GRID2: variants seen among roughly 807,000 people sequenced by gnomAD.
GRID2 encodes glutamate ionotropic receptor delta type subunit 2, also known as glutamate receptor ionotropic, delta-2.
In GRID2, 33 loss-of-function variants were observed where a neutral mutation model predicts 114.8. The ratio of observed to expected loss-of-function variants is 0.29; its 90% CI spans 0.22 to 0.38. The LOEUF is 0.38. GRID2 is among the 10% of genes least tolerant of loss of function. The pLI, the probability that GRID2 is intolerant of heterozygous loss-of-function variation, is 1.00. For missense variants in GRID2, 1,184 were observed against 1,257.7 expected (o/e 0.94, Z 0.89); for synonymous variants, 505 against 449.9 (o/e 1.12, Z -1.55).
chr4:93,207,949 T>A (rs1743002975), intron 5 of GRID2, among the ~76,000 whole-genome samples: 1 of 152,014 alleles, frequency 6.6e-6, no homozygotes, highest in Admixed American at 6.6e-5. Context: ...CTTGTCAAAT[T>A]CTTGTGAAAG....
chr4:93,787,203 C>A (rs1235408271), intron 1 of GRID2, among the ~76,000 whole-genome samples: 1 of 152,002 alleles, frequency 6.6e-6, no homozygotes, highest in East Asian at 1.9e-4. Flanking sequence ...GTGCACATCA[C>A]TTCTGCACAC....
intron 8 of GRID2, among the ~76,000 whole-genome samples, chr4:93,240,189 C>T (rs186351340): frequency 6.6e-6 from 1 of 151,666 alleles, no homozygotes; most frequent in African/African-American, 2.4e-5. Context: ...GAAACCATAT[C>T]TTGAACTTTA....
At chr4:93,473,537 A>T (rs1412930510) in intron 11 of GRID2, among the ~76,000 whole-genome samples, 1 of 152,188 alleles carries the variant, frequency 6.6e-6, no homozygotes, top group Admixed American at 6.5e-5. Context: ...GACATAAAAC[A>T]TGACAACTCT....
intron 2 of GRID2, among the ~76,000 whole-genome samples, chr4:92,913,899 A>C (rs917509703): frequency 8.5e-5 from 13 of 152,058 alleles, no homozygotes; most frequent in African/African-American, 2.9e-4. Context: ...ATTCATTAGA[A>C]GTGGATAGTA....
At chr4:92,604,554 A>T (rs528093371) in intron 2 of GRID2, among the ~76,000 whole-genome samples, 21 of 152,172 alleles carry the variant, frequency 1.4e-4, no homozygotes, top group African/African-American at 4.6e-4. Context: ...GAGAGAAAGC[A>T]TCAGGATAAA....
intron 14 of GRID2, among the ~76,000 whole-genome samples, chr4:93,704,366 G>A (rs1174429662): frequency 6.6e-6 from 1 of 151,902 alleles, no homozygotes; most frequent in Non-Finnish European, 1.5e-5. Context: ...TTGTAAATTT[G>A]TTTGAGTTCA....
chr4:93,798,632 C>A (rs907779810), intron 1 of GRID2, among the ~76,000 whole-genome samples: 2 of 152,160 alleles, frequency 1.3e-5, no homozygotes, highest in African/African-American at 4.8e-5. Flanking sequence ...AAAAATCTGT[C>A]CTTTTAAATT....
At chr4:93,075,648 G>A (rs1729197896) in intron 2 of GRID2, among the ~76,000 whole-genome samples, 1 of 152,008 alleles carries the variant, frequency 6.6e-6, no homozygotes, top group Admixed American at 6.6e-5. Context: ...AAAATCTTAT[G>A]TATTTCCATA....
chr4:92,373,526 T>A (rs1729214809), intron 1 of GRID2, among the ~76,000 whole-genome samples: 1 of 152,206 alleles, frequency 6.6e-6, no homozygotes, highest in African/African-American at 2.4e-5. Context: ...TAATGGCAAA[T>A]ACTTCTAACT....
chr4:93,466,592 G>A (rs1007722821), intron 11 of GRID2, among the ~76,000 whole-genome samples: 2 of 152,126 alleles, frequency 1.3e-5, no homozygotes, highest in African/African-American at 4.8e-5. Flanking sequence ...TCATTACCAT[G>A]GAAAGGGGCA....
At chr4:93,763,791 A>G (rs1209449895) in intron 14 of GRID2, among the ~76,000 whole-genome samples, 2 of 152,196 alleles carry the variant, frequency 1.3e-5, no homozygotes, top group African/African-American at 2.4e-5. Context: ...CAGACGGGGA[A>G]GCAATAATGT....
At chr4:93,161,786 AT>A (rs1737707704) in intron 4 of GRID2, among the ~76,000 whole-genome samples, 1 of 151,666 alleles carries the variant, frequency 6.6e-6, no homozygotes, top group South Asian at 2.1e-4. Flanking sequence ...CCTTCCTGCA[AT>A]TTTTGCAGTG....
intron 14 of GRID2, among the ~76,000 whole-genome samples, chr4:93,721,405 A>G (rs1016563952): frequency 1.8e-4 from 27 of 152,194 alleles, no homozygotes; most frequent in African/African-American, 6.5e-4. Flanking sequence ...TGTGTGCAGG[A>G]AGAATTTTTA....
chr4:92,640,865 A>G (rs1359044897), intron 2 of GRID2, among the ~76,000 whole-genome samples: 1 of 151,910 alleles, frequency 6.6e-6, no homozygotes, highest in Non-Finnish European at 1.5e-5. Context: ...TTTTCCTTAA[A>G]TATTTACACA....
At chr4:93,461,009 G>T (rs185703596) in intron 11 of GRID2, among the ~76,000 whole-genome samples, 1 of 152,166 alleles carries the variant, frequency 6.6e-6, no homozygotes, top group African/African-American at 2.4e-5. Context: ...AAGTTTTGGA[G>T]CACACCCAGG....
At chr4:92,556,303 A>C (rs1297120688) in intron 1 of GRID2, among the ~76,000 whole-genome samples, 1 of 152,160 alleles carries the variant, frequency 6.6e-6, no homozygotes, top group Non-Finnish European at 1.5e-5. Flanking sequence ...TACCAGACAC[A>C]AAAAAGGGCT....
At chr4:92,738,672 G>C (rs1481748128) in intron 2 of GRID2, among the ~76,000 whole-genome samples, 2 of 151,754 alleles carry the variant, frequency 1.3e-5, no homozygotes, top group African/African-American at 2.4e-5. Flanking sequence ...TATTTTTAGA[G>C]ACAGGATCTC....
chr4:92,576,160 G>A (rs1482782872), intron 1 of GRID2, among the ~76,000 whole-genome samples: 1 of 152,194 alleles, frequency 6.6e-6, no homozygotes, highest in African/African-American at 2.4e-5. Flanking sequence ...GGCAGGCATG[G>A]CTGGAGACCC....
intron 1 of GRID2, among the ~76,000 whole-genome samples, chr4:92,309,116 C>G (rs187114466): frequency 6.6e-6 from 1 of 151,772 alleles, no homozygotes; most frequent in Non-Finnish European, 1.5e-5. Context: ...AAATTTTAAG[C>G]CAAATAGGAA....
Sources: gnomAD v4.1 joint callset for allele counts (sites outside exome capture counted in the v4.1 genomes callset) on GRCh38, gnomAD v4.1.1 for gene constraint, MANE v1.5 for transcripts, NCBI Gene and HGNC (gene_info 2026-07-23, HGNC 2026-07-21) for gene names.